LRRC4C: variants seen among roughly 807,000 people sequenced by gnomAD.
LRRC4C encodes leucine-rich repeat-containing protein 4C.
In LRRC4C, 5 loss-of-function variants were observed where a neutral mutation model predicts 33.6. The observed-to-expected ratio is 0.15, with a 90% CI of 0.08 to 0.31. The LOEUF (loss-of-function observed/expected upper bound fraction) is 0.31. LRRC4C is among the 10% of genes least tolerant of loss of function. The probability of loss-of-function intolerance (pLI) is 1.00; values close to 1 mark genes in which losing one functional copy is unlikely to be tolerated. For missense variants in LRRC4C, 560 were observed against 796.7 expected (o/e 0.70, Z 3.58); for synonymous variants, 329 against 302.0 (o/e 1.09, Z -0.93).
chr11:40,524,899 A>G (rs530563411), intron 3 of LRRC4C, among the ~76,000 whole-genome samples: 1 of 152,340 alleles, frequency 6.6e-6, no homozygotes, highest in East Asian at 1.9e-4. Context: ...TAGTACAAGG[A>G]ACGATTAGTT....
In LRRC4C at chr11:40,285,195, C is replaced by A. The variant is rs1205472779; in HGVS notation, c.-176+34433G>T. Among the ~76,000 whole-genome samples, 7 of 152,180 alleles carry A rather than the reference C, an allele frequency of 4.6e-5. No homozygotes were observed. The East Asian group carries it at 1.4e-3, about 29-fold the overall frequency. ...TGAGATTCCTCTCTCAAAAAACCCCCAGCTTATGTCTTTCAGGAATGCAGA... is the reference window on the plus strand; with the variant it reads ...TGAGATTCCTCTCTCAAAAAACCCCAAGCTTATGTCTTTCAGGAATGCAGA... On this transcript the variant is annotated intron_variant, in intron 4 of 6. Transcript: ENST00000528697.
At chr11:40,741,974 C>T (rs980403134) in intron 2 of LRRC4C, among the ~76,000 whole-genome samples, 1 of 151,998 alleles carries the variant, frequency 6.6e-6, no homozygotes, top group Non-Finnish European at 1.5e-5. Flanking sequence ...TTCATCTGCT[C>T]TTGTTACTCC....
intron 1 of LRRC4C, among the ~76,000 whole-genome samples, chr11:41,131,505 T>C (rs975889889): frequency 6.6e-6 from 1 of 152,140 alleles, no homozygotes; most frequent in African/African-American, 2.4e-5. Flanking sequence ...ACCATGTATA[T>C]TTTGTTTGTT....
Position 41,038,343 on chromosome 11 carries a change from T to C in LRRC4C, c.-495-104620A>G, listed in dbSNP as rs191940229. Among the ~76,000 whole-genome samples the C allele has an allele frequency of 2.0e-5, 3 of 152,350 alleles. No individual in the cohort carries two copies. The East Asian group carries it at 5.8e-4, about 29-fold the overall frequency. On this transcript the variant is annotated intron_variant, in intron 1 of 6. Coordinates refer to ENST00000528697, the MANE Select transcript of LRRC4C (RefSeq NM_001258419.2). ...CAGATCCCAAAGGTTTTCAGTGATC[T>C]TCTCTTTATTTTTGTATAAATCCCT...
chr11:40,476,170 T>C (rs796882050), intron 3 of LRRC4C, among the ~76,000 whole-genome samples: 34 of 152,176 alleles, frequency 2.2e-4, no homozygotes, highest in African/African-American at 7.5e-4. Context: ...GTATTCCAAC[T>C]AGAAGTGTGT....
intron 1 of LRRC4C, among the ~76,000 whole-genome samples, chr11:41,327,673 T>A (rs1333924910): frequency 6.6e-6 from 1 of 152,114 alleles, no homozygotes; most frequent in Non-Finnish European, 1.5e-5. Flanking sequence ...GCTCTCATGA[T>A]CCCCACGTGT....
chr11:41,205,199 AC>A (rs1184022780), intron 1 of LRRC4C, among the ~76,000 whole-genome samples: 2 of 152,214 alleles, frequency 1.3e-5, no homozygotes, highest in Non-Finnish European at 2.9e-5. Flanking sequence ...GGAGATTCAA[AC>A]ATGGATAGAT....
intron 1 of LRRC4C, among the ~76,000 whole-genome samples, chr11:41,123,429 C>G (rs1022001137): frequency 1.3e-5 from 2 of 150,128 alleles, no homozygotes; most frequent in Non-Finnish European, 3.0e-5. Flanking sequence ...CCCGCCACTA[C>G]GCCCGGCTAA....
At chr11:40,250,862 A>T (rs911016678) in intron 4 of LRRC4C, among the ~76,000 whole-genome samples, 1 of 152,304 alleles carries the variant, frequency 6.6e-6, no homozygotes, top group East Asian at 1.9e-4. Context: ...GACCAGAACC[A>T]CTGTGATCTT....
At chr11:40,302,667 A>G (rs1169427745) in intron 4 of LRRC4C, among the ~76,000 whole-genome samples, 1 of 152,232 alleles carries the variant, frequency 6.6e-6, no homozygotes, top group Non-Finnish European at 1.5e-5. Flanking sequence ...CAATCCATTT[A>G]TGTATTGAAC....
chr11:41,022,426 C>T (rs1382418754), intron 1 of LRRC4C, among the ~76,000 whole-genome samples: 1 of 151,868 alleles, frequency 6.6e-6, no homozygotes, highest in Non-Finnish European at 1.5e-5. Context: ...TTGCCTTTTA[C>T]ATAGAACTTT....
intron 1 of LRRC4C, among the ~76,000 whole-genome samples, chr11:41,259,004 C>T (rs1050029679): frequency 8.6e-5 from 13 of 151,984 alleles, no homozygotes; most frequent in South Asian, 4.1e-4. Context: ...TTTATTTAGA[C>T]AGAATGGATG....
chr11:41,453,435 A>G (rs1956087172), intron 1 of LRRC4C, among the ~76,000 whole-genome samples: 1 of 152,080 alleles, frequency 6.6e-6, no homozygotes, highest in Non-Finnish European at 1.5e-5. Flanking sequence ...AGTCGGCCCT[A>G]TTATGGGAAT....
At chr11:40,844,547 A>T (rs1953068956) in intron 2 of LRRC4C, among the ~76,000 whole-genome samples, 3 of 152,190 alleles carry the variant, frequency 2.0e-5, no homozygotes, top group Admixed American at 2.0e-4. Flanking sequence ...TCCAAAAAGA[A>T]TACAGATTAT....
intron 3 of LRRC4C, among the ~76,000 whole-genome samples, chr11:40,630,007 T>G (rs1266346723): frequency 6.6e-6 from 1 of 152,118 alleles, no homozygotes; most frequent in Non-Finnish European, 1.5e-5. Context: ...ATAATTAATC[T>G]CTAAAATCTA....
intron 1 of LRRC4C, among the ~76,000 whole-genome samples, chr11:41,306,231 A>G (rs1950501885): frequency 1.3e-5 from 2 of 152,156 alleles, no homozygotes; most frequent in South Asian, 2.1e-4. Flanking sequence ...TCTCTCTTTT[A>G]TAACATACAA....
Position 40,238,706 on chromosome 11 carries a change from T to G in LRRC4C, c.-96+2813A>C, listed in dbSNP as rs550441820. Among the ~76,000 whole-genome samples the G allele has an allele frequency of 1.1e-4, 16 of 152,274 alleles. No individual in the cohort carries two copies. In the East Asian group the frequency reaches 1.9e-3, roughly 18 times the overall value. On this transcript the variant is annotated intron_variant, in intron 5 of 6. Transcript: ENST00000528697. ...GTTTAAGAGTTGCAAAGAAGGAACA[T>G]CTAATGTATAAAAGAGTTAATATAG...
At chr11:40,329,650 C>G (rs557006104) in intron 3 of LRRC4C, among the ~76,000 whole-genome samples, 1 of 151,900 alleles carries the variant, frequency 6.6e-6, no homozygotes, top group Non-Finnish European at 1.5e-5. Context: ...AATAGACTGT[C>G]GTTGAAGGTA....
At chr11:41,411,601 C>A (rs1954493679) in intron 1 of LRRC4C, among the ~76,000 whole-genome samples, 1 of 152,262 alleles carries the variant, frequency 6.6e-6, no homozygotes, top group South Asian at 2.1e-4. Context: ...ACCTCATTTA[C>A]ATAAAACTTT....
Sources: allele counts gnomAD v4.1 joint callset (sites outside exome capture counted in the v4.1 genomes callset), GRCh38; gene constraint gnomAD v4.1.1; transcripts MANE v1.5; gene names NCBI Gene and HGNC (gene_info 2026-07-23, HGNC 2026-07-21).